NLRP2: variants seen among roughly 807,000 people sequenced by gnomAD.
The protein encoded by NLRP2 is NLR family pyrin domain containing 2, also known as NACHT, LRR and PYD domains-containing protein 2.
Under a neutral mutation model 97.2 loss-of-function variants are expected in NLRP2, and 107 were observed. The observed-to-expected ratio is 1.10, with a 90% CI of 0.94 to 1.29. The LOEUF is 1.29. NLRP2 is among the 50% of genes most tolerant of loss of function. NLRP2 has a pLI of 0.00. For synonymous variants in NLRP2, 663 were observed against 551.5 expected, an observed-to-expected ratio of 1.20 and a Z score of -2.83; for missense variants, 1,495 against 1,330.3, an observed-to-expected ratio of 1.12 and a Z score of -1.93.
chr19:54,975,991 C>T (rs1007526231), intron 3 of NLRP2, among the ~76,000 whole-genome samples: 1 of 152,018 alleles, frequency 6.6e-6, no homozygotes, highest in Admixed American at 6.6e-5. Flanking sequence ...TCAAGTGATC[C>T]TCCCACCTTG....
chr19:54,984,485 C>CTTTTTTTTTTTTTTTTTTTTTT lies in NLRP2; in HGVS notation c.2031-547_2031-546insTTTTTTTTTTTTTTTTTTTTTT, dbSNP rs36061621. On this transcript the variant is annotated intron_variant, in intron 6 of 12. Coordinates refer to ENST00000448584, the MANE Select transcript of NLRP2 (RefSeq NM_017852.5). ...ATGTATAGATATGTATATTCCCAAT[C>CTTTTTTTTTTTTTTTTTTTTTT]TTTTTTTTTTTTTTTGAGACGGAGT... Among the ~76,000 whole-genome samples, 493 of 76,844 alleles carry CTTTTTTTTTTTTTTTTTTTTTT rather than the reference C, an allele frequency of 6.4e-3. 89 individuals carry two copies. The highest frequency in any genetic ancestry group is 0.014 in the Middle Eastern group (2 of 142). 50.4% of individuals were successfully genotyped at this position (76,844 alleles called of 152,430 possible).
intron 7 of NLRP2, 61 bp from the exon 8 acceptor site, chr19:54,986,090 C>T (rs1369799750): frequency 3.6e-6 from 4 of 1,105,496 alleles, no homozygotes; most frequent in Admixed American, 1.8e-5. Context: ...CCCCTGGTTT[C>T]CATTTAAGTA....
chr19:54,969,870 TG>T, intron 1 of NLRP2, 128 bp from the exon 2 acceptor site: 1 of 894,922 alleles, frequency 1.1e-6, no homozygotes, highest in Non-Finnish European at 1.8e-6. Flanking sequence ...TTGCCCAGGC[TG>T]GGAGTTTGTT....
At chr19:54,979,411 C>T (rs1035149284) in intron 4 of NLRP2, among the ~76,000 whole-genome samples, 11 of 151,324 alleles carry the variant, frequency 7.3e-5, no homozygotes, top group East Asian at 1.9e-4. Context: ...GGTGTGATCT[C>T]GGCTCGCCAC....
chr19:54,985,429 A>G (rs1460470401), intron 7 of NLRP2, among the ~76,000 whole-genome samples: 1 of 152,012 alleles, frequency 6.6e-6, no homozygotes, highest in Non-Finnish European at 1.5e-5. Context: ...TGTAATTCCA[A>G]CACTTCGGGA....
At chr19:54,989,248 C>T (rs1030682598) in intron 8 of NLRP2, among the ~76,000 whole-genome samples, 1 of 151,864 alleles carries the variant, frequency 6.6e-6, no homozygotes, top group African/African-American at 2.4e-5. Flanking sequence ...GAGCCATTGC[C>T]CCGGCCAAAG....
intron 11 of NLRP2, among the ~76,000 whole-genome samples, chr19:54,996,208 A>G (rs1321536389): frequency 3.3e-5 from 5 of 151,900 alleles, no homozygotes; most frequent in Admixed American, 2.0e-4. Context: ...CCGTGTTTCA[A>G]AAAATAAAGT....
chr19:54,989,999 A>G (rs2072353714), intron 8 of NLRP2, 23 bp from the exon 9 acceptor site: 2 of 1,600,350 alleles, frequency 1.2e-6, no homozygotes, highest in South Asian at 1.1e-5. Flanking sequence ...AAAAAAAATG[A>G]CGTGGTCCTA....
chr19:54,985,894 A>T (rs1188525880), intron 7 of NLRP2, among the ~76,000 whole-genome samples: 2 of 151,802 alleles, frequency 1.3e-5, no homozygotes, highest in Admixed American at 1.3e-4. Flanking sequence ...GCTACTCCGG[A>T]TGCTGAGGGT....
chr19:54,974,145 G>A (rs747012794), intron 2 of NLRP2: 225 of 638,818 alleles, frequency 3.5e-4, no homozygotes, highest in Non-Finnish European at 2.0e-5. Context: ...CACAAGGTCA[G>A]GAGTCTGAGA....
chr19:54,987,490 G>T lies in NLRP2; in HGVS notation c.2366+1175G>T, dbSNP rs1011492029. Among the ~76,000 whole-genome samples the T allele has an allele frequency of 3.3e-5, 5 of 152,256 alleles. No homozygotes were observed. In the East Asian group the frequency reaches 9.7e-4, roughly 29 times the overall value. Reference sequence around the variant, plus strand: ...TTATTGCCCTGGGCCAGGCGCAGTGGCTCACGCCTGGGAGGCCGAGGTGGG... The same window carrying T: ...TTATTGCCCTGGGCCAGGCGCAGTGTCTCACGCCTGGGAGGCCGAGGTGGG... On this transcript the variant is annotated intron_variant, in intron 8 of 12. Coordinates refer to ENST00000448584, the MANE Select transcript of NLRP2 (RefSeq NM_017852.5).
rs199475720 is a variant in NLRP2, at chr19:54,985,464, G to A, written c.2201+247G>A. Reference sequence around the variant, plus strand: ...AGGCCGAGGCAGACAGATCACTTGAGGTCAGGAGTTCGAGACCAGCCTGGC... The same window carrying A: ...AGGCCGAGGCAGACAGATCACTTGAAGTCAGGAGTTCGAGACCAGCCTGGC... On this transcript the variant is annotated intron_variant, in intron 7 of 12. Coordinates refer to ENST00000448584, the MANE Select transcript of NLRP2 (RefSeq NM_017852.5). Among the ~76,000 whole-genome samples, 51 of 152,232 alleles carry A rather than the reference G, an allele frequency of 3.4e-4. No homozygotes were observed. Among genetic ancestry groups the A allele is most frequent in the South Asian group, 2.1e-4 (1 of 4,828 alleles).
At chr19:54,997,200 C>A (rs1414839071) in intron 11 of NLRP2, 117 bp from the exon 12 acceptor site, 1 of 1,073,154 alleles carries the variant, frequency 9.3e-7, no homozygotes, top group Admixed American at 1.7e-5. Flanking sequence ...CCACCGTGCC[C>A]GGCCTGAGAC....
chr19:54,977,975 C>T (rs375850436), intron 4 of NLRP2, 152 bp downstream of exon 4: 5 of 765,034 alleles, frequency 6.5e-6, no homozygotes. Context: ...TGCCAACCTC[C>T]CTTCCGTAAG....
At chr19:54,971,724 G>A (rs143185481) in intron 2 of NLRP2, among the ~76,000 whole-genome samples, 18 of 152,000 alleles carry the variant, frequency 1.2e-4, no homozygotes, top group African/African-American at 3.6e-4. Context: ...TTCAGGTATC[G>A]TACAGTTGGC....
intron 3 of NLRP2, 35 bp from the exon 4 acceptor site, chr19:54,977,717 A>C: frequency 6.2e-7 from 1 of 1,609,902 alleles, no homozygotes; most frequent in Non-Finnish European, 8.5e-7. Context: ...CTGCCAGCAC[A>C]GCAACAGGCC....
At chr19:54,981,509 G>A (rs935664749) in intron 4 of NLRP2, 108 bp from the exon 5 acceptor site, 4 of 389,962 alleles carry the variant, frequency 1.0e-5, no homozygotes, top group South Asian at 2.1e-5. Flanking sequence ...CTGATCCCGT[G>A]CCCCCCCTCC....
chr19:54,970,921 C>T (rs2070811126), intron 2 of NLRP2, among the ~76,000 whole-genome samples: 1 of 143,388 alleles, frequency 7.0e-6, no homozygotes, highest in Non-Finnish European at 1.5e-5. Flanking sequence ...GCTGCACCCA[C>T]TAACTCGTCA....
rs766281794 is a variant in NLRP2 at position 54,982,631 on chromosome 19, G to T, written c.933G>T (p.Lys311Asn). The change falls in exon 6 of 13, where the codon AAG becomes AAT. Residue 311 changes from lysine to asparagine, a missense_variant. Coordinates refer to ENST00000448584, the MANE Select transcript of NLRP2 (RefSeq NM_017852.5). ...ACATCTGCGGGGACTGGGAGAAGAA[G>T]AAGCCGGTGCCCGTCCTCCTGGGGA... ...IEDICGDWEK[K>N]KPVPVLLGSL... is the part of the protein sequence containing the mutation. 1 of 1,614,188 alleles carries T rather than the reference G, an allele frequency of 6.2e-7. No homozygotes were observed. Among genetic ancestry groups the T allele is most frequent in the South Asian group, 1.1e-5 (1 of 91,078 alleles).
Sources: allele counts gnomAD v4.1 joint callset (sites outside exome capture counted in the v4.1 genomes callset), GRCh38; gene constraint gnomAD v4.1.1; transcripts MANE v1.5; gene names NCBI Gene and HGNC (gene_info 2026-07-23, HGNC 2026-07-21).